P3H2: variants seen among roughly 807,000 people sequenced by gnomAD.
The protein encoded by P3H2 is leprecan-like 1.
P3H2 carries 80 observed loss-of-function variants against 87.0 expected under a neutral mutation model. The observed-to-expected ratio is 0.92, with a 90% CI of 0.77 to 1.11. The LOEUF is 1.11. Among genes scored for constraint, P3H2 ranks in the 50% least tolerant of loss-of-function variants. The probability of loss-of-function intolerance (pLI) is 0.00; values close to 1 mark genes in which losing one functional copy is unlikely to be tolerated. For synonymous variants in P3H2, 367 were observed against 359.3 expected, an observed-to-expected ratio of 1.02 and a Z score of -0.24; for missense variants, 1,001 against 923.9, an observed-to-expected ratio of 1.08 and a Z score of -1.08.
At chr3:190,023,027 C>T (rs527435336) in intron 1 of P3H2, among the ~76,000 whole-genome samples, 8 of 149,580 alleles carry the variant, frequency 5.3e-5, no homozygotes, top group Non-Finnish European at 7.4e-5. Flanking sequence ...GGTGTTTCAC[C>T]GTGTTAGCCA....
At chr3:190,110,747 T>C (rs1298131422) in intron 1 of P3H2, among the ~76,000 whole-genome samples, 1 of 152,204 alleles carries the variant, frequency 6.6e-6, no homozygotes, top group African/African-American at 2.4e-5. Flanking sequence ...TGCAAATCTA[T>C]TGATTTTGGC....
intron 1 of P3H2, among the ~76,000 whole-genome samples, chr3:190,094,320 T>C (rs1410038281): frequency 6.6e-6 from 1 of 152,256 alleles, no homozygotes; most frequent in Non-Finnish European, 1.5e-5. Flanking sequence ...TTCTTTAGTA[T>C]TTCAACTAGC....
intron 1 of P3H2, among the ~76,000 whole-genome samples, chr3:190,097,994 T>C (rs1727639903): frequency 1.3e-5 from 2 of 152,252 alleles, no homozygotes; most frequent in Non-Finnish European, 2.9e-5. Context: ...CTAGTATGGA[T>C]ATTGTCATTG....
chr3:189,980,328 G>T (rs1191370431), intron 8 of P3H2, among the ~76,000 whole-genome samples: 1 of 152,148 alleles, frequency 6.6e-6, no homozygotes, highest in Non-Finnish European at 1.5e-5. Context: ...ACTTTGGGAG[G>T]CCGTGGCGGG....
chr3:189,957,438 T>G lies in P3H2; in HGVS notation c.*474A>C. 3.1e-6 allele frequency: 1 copy of G among 321,620 alleles called. No homozygotes were observed. 19.9% of individuals were successfully genotyped at this position (321,620 alleles called of 1,614,324 possible). ...CTAAGCTTTTGAATTTGCAGCAACT[T>G]AATTGTGTGTGTGTGTGTGTGTGTG... On this transcript the variant is annotated 3_prime_UTR_variant, in exon 15 of 15. Transcript: ENST00000319332.
chr3:190,058,635 G>A (rs1323437334), intron 1 of P3H2, among the ~76,000 whole-genome samples: 1 of 152,166 alleles, frequency 6.6e-6, no homozygotes, highest in Non-Finnish European at 1.5e-5. Flanking sequence ...AACATTACTG[G>A]AAGCTGTGGG....
In P3H2 at chr3:190,108,300, C is replaced by T. The variant is rs549069126; in HGVS notation, c.480+11952G>A. On this transcript the variant is annotated intron_variant, in intron 1 of 14. Transcript: ENST00000319332. ...CCAAAGCACTGAGATTATTTACAGG[C>T]TGTGCATTTCAGGATGGCCAGCAAC... Among the ~76,000 whole-genome samples, 7 of 152,214 alleles carry T rather than the reference C, an allele frequency of 4.6e-5. No homozygotes were observed. The South Asian group carries it at 1.2e-3, about 27-fold the overall frequency.
intron 1 of P3H2, among the ~76,000 whole-genome samples, chr3:190,071,931 A>C (rs1015784034): frequency 6.6e-6 from 1 of 151,572 alleles, no homozygotes; most frequent in Non-Finnish European, 1.5e-5. Flanking sequence ...AACATTTAAA[A>C]TTTTTTATAC....
intron 1 of P3H2, among the ~76,000 whole-genome samples, chr3:189,996,121 G>T (rs938386286): frequency 6.6e-6 from 1 of 152,112 alleles, no homozygotes; most frequent in African/African-American, 2.4e-5. Context: ...TATATCCAAA[G>T]GAAATGAAGT....
intron 4 of P3H2, 120 bp from the exon 5 acceptor site, chr3:189,987,789 A>C: frequency 4.5e-6 from 5 of 1,118,364 alleles, no homozygotes; most frequent in Non-Finnish European, 5.4e-6. Context: ...GGGAAGATAA[A>C]TTGAGGCTCA....
At chr3:190,075,347 G>A (rs1158879208) in intron 1 of P3H2, among the ~76,000 whole-genome samples, 1 of 151,898 alleles carries the variant, frequency 6.6e-6, no homozygotes, top group Non-Finnish European at 1.5e-5. Flanking sequence ...AATTAGTTGA[G>A]TGTGGTGGGC....
At chr3:190,070,597 C>T (rs1036814832) in intron 1 of P3H2, among the ~76,000 whole-genome samples, 2 of 152,134 alleles carry the variant, frequency 1.3e-5, no homozygotes, top group Non-Finnish European at 2.9e-5. Flanking sequence ...ACAGTTCCAT[C>T]AAAGAGGCAA....
chr3:190,078,581 A>C (rs1204492983), intron 1 of P3H2, among the ~76,000 whole-genome samples: 3 of 152,164 alleles, frequency 2.0e-5, no homozygotes, highest in Non-Finnish European at 4.4e-5. Flanking sequence ...AAGGAGACCA[A>C]CGAGCTATAA....
In P3H2 at chr3:189,957,470, TG is replaced by T; in HGVS notation, c.*441del. ...GTGTGTGTGTGTGTGTGTGTGTGTG[TG>T]TGTGTGTGTTTGGGGGAGGAGGTGA... On this transcript the variant is annotated 3_prime_UTR_variant, in exon 15 of 15. Coordinates refer to ENST00000319332, the MANE Select transcript of P3H2 (RefSeq NM_018192.4). 2.7e-6 allele frequency: 1 copy of T among 372,224 alleles called. No homozygotes were observed. The highest frequency in any genetic ancestry group is 4.8e-6 in the Non-Finnish European group (1 of 209,160). The allele number at this position is 372,224 out of a possible 1,614,324, so 23.1% of individuals were successfully genotyped here.
chr3:190,119,924 A>C (rs936885667), intron 1 of P3H2, among the ~76,000 whole-genome samples: 6 of 151,814 alleles, frequency 4.0e-5, no homozygotes, highest in Non-Finnish European at 7.4e-5. Context: ...GGAAGTGAGA[A>C]GGGAGAAGAT....
At chr3:190,049,409 T>A (rs1307910697) in intron 1 of P3H2, among the ~76,000 whole-genome samples, 1 of 152,148 alleles carries the variant, frequency 6.6e-6, no homozygotes, top group Non-Finnish European at 1.5e-5. Flanking sequence ...AATTGGCTTT[T>A]CGCCTAAATG....
chr3:190,047,086 C>T (rs928855867), intron 1 of P3H2, among the ~76,000 whole-genome samples: 4 of 152,018 alleles, frequency 2.6e-5, no homozygotes, highest in African/African-American at 7.2e-5. Flanking sequence ...GGCAAAAGAT[C>T]GGAATAGACA....
chr3:190,121,569 G>C (rs1014375018), upstream of P3H2: 2 of 152,224 alleles, frequency 1.3e-5, no homozygotes, highest in African/African-American at 4.8e-5. Context: ...ATGTGTGTCC[G>C]GGCATTGGAT....
chr3:189,987,537 T>G lies in P3H2; in HGVS notation c.1088A>C (p.Glu363Ala). The G allele has an allele frequency of 6.2e-7, 1 of 1,608,970 alleles. No individual in the cohort carries two copies. The highest frequency in any genetic ancestry group is 1.1e-5 in the South Asian group (1 of 90,968). The change falls in exon 5 of 15, where the codon GAG becomes GCG. Residue 363 changes from glutamate (E) to alanine (A), a missense_variant. Physicochemically the swap from Glu to Ala is moderately radical, Grantham distance 107. Coordinates refer to ENST00000319332, the MANE Select transcript of P3H2 (RefSeq NM_018192.4). ...LDDSIDPASIEAREDLTMFVK... is the reference protein window; with the variant it reads ...LDDSIDPASIAAREDLTMFVK... ...AAACATTGGTCTCACCTCTCTGGCC[T>G]CAATGGATGCCGGGTCAATGCTATC...
Sources: gnomAD v4.1 joint callset for allele counts (sites outside exome capture counted in the v4.1 genomes callset) on GRCh38, gnomAD v4.1.1 for gene constraint, MANE v1.5 for transcripts, NCBI Gene and HGNC (gene_info 2026-07-23, HGNC 2026-07-21) for gene names.